ZNF292: variants seen among roughly 807,000 people sequenced by gnomAD.
ZNF292 encodes the protein 16 zinc-finger domain protein.
Under a neutral mutation model 217.9 loss-of-function variants are expected in ZNF292, and 26 were observed. The ratio of observed to expected loss-of-function variants is 0.12; its 90% CI spans 0.09 to 0.17. The LOEUF is 0.17. Ranked by LOEUF, ZNF292 falls within the 10% of genes least tolerant of loss-of-function variation. The pLI, the probability that ZNF292 is intolerant of heterozygous loss-of-function variation, is 1.00. For synonymous variants in ZNF292, 1,257 were observed against 1,124.1 expected, an observed-to-expected ratio of 1.12 and a Z score of -2.37; for missense variants, 2,904 against 3,175.2, an observed-to-expected ratio of 0.91 and a Z score of 2.05.
rs747244827 is a variant in ZNF292, at chr6:87,261,000, G to A, written c.7371G>A (p.Glu2457=). The change falls in exon 8 of 8, where the codon GAG becomes GAA. Residue 2457 remains glutamate, a synonymous_variant. Coordinates refer to ENST00000369577, the MANE Select transcript of ZNF292 (RefSeq NM_015021.3). ...AAGATTCTGACACGTGTGTATCAGA[G>A]AGCAATGATAATTCAAGAACAACAG... The part of the protein sequence containing the change: ...DVKDSDTCVS[E]SNDNSRTTAT... The A allele has an allele frequency of 1.8e-5, 29 of 1,605,896 alleles. No homozygotes were observed. The highest frequency in any genetic ancestry group is 3.3e-5 in the South Asian group (3 of 89,968).
intron 1 of ZNF292, among the ~76,000 whole-genome samples, chr6:87,203,482 A>G (rs1220749444): frequency 6.6e-6 from 1 of 151,866 alleles, no homozygotes; most frequent in African/African-American, 2.4e-5. Context: ...TTCTAGGATA[A>G]CACCTACTAG....
intron 5 of ZNF292, among the ~76,000 whole-genome samples, chr6:87,235,410 G>C (rs1224818699): frequency 6.6e-6 from 1 of 152,032 alleles, no homozygotes; most frequent in East Asian, 1.9e-4. Flanking sequence ...ATAAGCATTG[G>C]GGGGGATTGG....
intron 1 of ZNF292, among the ~76,000 whole-genome samples, chr6:87,181,249 G>T (rs190153806): frequency 1.4e-4 from 21 of 152,224 alleles, no homozygotes; most frequent in African/African-American, 4.3e-4. Context: ...AGATTTTACT[G>T]AATGGTGGAG....
At chr6:87,157,797 TC>T (rs1770596577) in intron 1 of ZNF292, among the ~76,000 whole-genome samples, 2 of 152,214 alleles carry the variant, frequency 1.3e-5, no homozygotes, top group Non-Finnish European at 2.9e-5. Flanking sequence ...CAAGCGATTT[TC>T]CTGCCTCAGC....
At position 87,245,016 on chromosome 6, in the gene ZNF292, G is replaced by A. The variant is rs371229292; in HGVS notation, c.879-487G>A. On this transcript the variant is annotated intron_variant, in intron 6 of 7. Transcript: ENST00000369577. The stretch of plus-strand genomic sequence containing the variant: ...AGCACTGTGGGTGGCCGAGGTGGGC[G>A]GATCACCTGAGGTCAGGAGTTTGAG... Among the ~76,000 whole-genome samples the A allele has an allele frequency of 5.3e-5, 8 of 152,130 alleles. No individual in the cohort carries two copies. In the South Asian group the frequency reaches 1.0e-3, roughly 20 times the overall value.
At chr6:87,211,536 C>G (rs1039709045) in intron 1 of ZNF292, among the ~76,000 whole-genome samples, 1 of 152,062 alleles carries the variant, frequency 6.6e-6, no homozygotes, top group Non-Finnish European at 1.5e-5. Flanking sequence ...GGTCTTATGG[C>G]TTTTTATTTC....
chr6:87,156,654 T>G (rs72916527), intron 1 of ZNF292, among the ~76,000 whole-genome samples: 2 of 152,388 alleles, frequency 1.3e-5, no homozygotes, highest in Non-Finnish European at 2.9e-5. Flanking sequence ...GAGGTTCATG[T>G]GGATCTGTGC....
intron 1 of ZNF292, among the ~76,000 whole-genome samples, chr6:87,158,093 T>C (rs1475583782): frequency 6.6e-6 from 1 of 152,202 alleles, no homozygotes; most frequent in Non-Finnish European, 1.5e-5. Flanking sequence ...ATTAAGTGAT[T>C]AGTCTTGCCA....
chr6:87,215,175 C>G (rs1056609378), intron 1 of ZNF292: 1 of 150,644 alleles, frequency 6.6e-6, no homozygotes, highest in African/African-American at 2.5e-5. Flanking sequence ...TTCTGTATAA[C>G]TTATCTTTCC....
intron 7 of ZNF292, among the ~76,000 whole-genome samples, chr6:87,253,484 C>T (rs1444601232): frequency 6.6e-6 from 1 of 151,964 alleles, no homozygotes; most frequent in Non-Finnish European, 1.5e-5. Flanking sequence ...CCTGCCTCGG[C>T]CTTCCAAAGT....
At chr6:87,250,312 C>A (rs924580175) in intron 7 of ZNF292, among the ~76,000 whole-genome samples, 3 of 150,584 alleles carry the variant, frequency 2.0e-5, no homozygotes, top group Non-Finnish European at 4.4e-5. Context: ...GCCTGTAATC[C>A]CAGCTACTCA....
Position 87,259,245 on chromosome 6 carries a change from G to A in ZNF292, c.5616G>A (p.Thr1872=), listed in dbSNP as rs762470306. ...ATACATCAGTGACACTGACTCCCAC[G>A]CCTGTTAAATCAACTGCAGATATCA... is the stretch of plus-strand genomic sequence containing the variant. ...LINTSVTLTP[T]PVKSTADITV... Residue 1872 remains threonine (T), a synonymous_variant, in exon 8 of 8, where the codon ACG becomes ACA. Coordinates refer to ENST00000369577, the MANE Select transcript of ZNF292 (RefSeq NM_015021.3). 8.7e-6 allele frequency: 14 copies of A among 1,613,476 alleles called. No homozygotes were observed. The highest frequency in any genetic ancestry group is 6.7e-5 in the East Asian group (3 of 44,876).
Position 87,260,207 on chromosome 6 carries a change from A to G in ZNF292, c.6578A>G (p.Tyr2193Cys). Residue 2193 changes from tyrosine (Y) to cysteine (C), a missense_variant, in exon 8 of 8, where the codon TAC (tyrosine) becomes TGC (cysteine). Around this residue, in one of 15 missense-constraint regions of ZNF292, gnomAD observed 261 missense variants for 272.8 expected, o/e 0.96. Coordinates refer to ENST00000369577, the MANE Select transcript of ZNF292 (RefSeq NM_015021.3). Reference protein sequence around the residue: ...FQAITGLIQHYMKLHEMTPEE... With the variant: ...FQAITGLIQHCMKLHEMTPEE... ...GCAATTACTGGCCTAATACAACACT[A>G]CATGAAACTTCATGAAATGACTCCT... 2 of 1,613,614 alleles carry G rather than the reference A, an allele frequency of 1.2e-6. No homozygotes were observed. Among genetic ancestry groups the G allele is most frequent in the Non-Finnish European group, 1.7e-6 (2 of 1,179,618 alleles).
At chr6:87,180,611 C>G (rs941327330) in intron 1 of ZNF292, among the ~76,000 whole-genome samples, 1 of 152,208 alleles carries the variant, frequency 6.6e-6, no homozygotes, top group African/African-American at 2.4e-5. Flanking sequence ...CTTGTGCAGG[C>G]CCTGCTGGTA....
chr6:87,235,568 T>C (rs555583940), intron 5 of ZNF292, among the ~76,000 whole-genome samples: 1 of 143,490 alleles, frequency 7.0e-6, no homozygotes, highest in African/African-American at 2.6e-5. Context: ...AAAAATCTAG[T>C]AAAAAAAAAA....
rs747225851 is a variant in ZNF292 at position 87,259,833 on chromosome 6, T to C, written c.6204T>C (p.Asn2068=). The change falls in exon 8 of 8, where the codon AAT becomes AAC. Residue 2068 remains asparagine, a synonymous_variant. Transcript: ENST00000369577. ...QVITVTSEQC[N]TNALTNTQTK... ...TTACAGTTACTTCAGAACAATGTAA[T>C]ACAAATGCACTCACAAACACACAAA... is the stretch of plus-strand genomic sequence containing the variant. 13 of 1,612,428 alleles carry C rather than the reference T, an allele frequency of 8.1e-6. No homozygotes were observed. The South Asian group carries it at 1.4e-4, about 18-fold the overall frequency.
rs1775665899 is a variant in ZNF292 at position 87,262,671 on chromosome 6, G to A, written c.*870G>A. The A allele has an allele frequency of 6.6e-6, 1 of 151,960 alleles. No individual in the cohort carries two copies. Among genetic ancestry groups the A allele is most frequent in the African/African-American group, 2.4e-5 (1 of 41,424 alleles). The allele number at this position is 151,960 out of a possible 1,614,324, so 9.4% of individuals were successfully genotyped here. A position where few individuals can be genotyped will look rare whatever the true frequency, so the allele number is the denominator to read the frequency against. ...TAGAAAACTAGTAGTGTGGAGCAGT[G>A]TAAATATTTGAGGTGGTGATTTGTG... On this transcript the variant is annotated 3_prime_UTR_variant, in exon 8 of 8. Transcript: ENST00000369577.
At chr6:87,233,740 T>C (rs1178738548) in intron 5 of ZNF292, 1 of 743,126 alleles carries the variant, frequency 1.3e-6, no homozygotes, top group Non-Finnish European at 1.6e-6. Flanking sequence ...TTAAATAATA[T>C]ACATCTTTTA....
Position 87,257,952 on chromosome 6 carries a change from C to G in ZNF292, c.4323C>G (p.Thr1441=). 1.2e-6 allele frequency: 2 copies of G among 1,613,926 alleles called. No individual in the cohort carries two copies. The highest frequency in any genetic ancestry group is 1.7e-6 in the Non-Finnish European group (2 of 1,179,836). ...AVNLQQPQQS[T]FNPEACFKDP... ...ATTTGCAGCAGCCACAACAATCTAC[C>G]TTCAATCCAGAAGCATGTTTTAAAG... The change falls in exon 8 of 8, where the codon ACC becomes ACG. Residue 1441 remains threonine (T), a synonymous_variant. Coordinates refer to ENST00000369577, the MANE Select transcript of ZNF292 (RefSeq NM_015021.3).
Sources: gnomAD v4.1 joint callset for allele counts (sites outside exome capture counted in the v4.1 genomes callset) on GRCh38, gnomAD v4.1.1 for gene constraint, gnomAD v4.1.1 regional missense constraint, MANE v1.5 for transcripts, NCBI Gene and HGNC (gene_info 2026-07-23, HGNC 2026-07-21) for gene names.